The following SREBF2 variants were observed in gnomAD, a reference collection of about 807,000 sequenced individuals.
The protein encoded by SREBF2 is sterol regulatory element-binding protein 2.
A neutral mutation model predicts 113.1 loss-of-function variants in SREBF2; 55 were observed. That is an observed-to-expected ratio of 0.49 (90% CI 0.39 to 0.61). The LOEUF is 0.61. Among genes scored for constraint, SREBF2 ranks in the 20% least tolerant of loss-of-function variants. The pLI is 0.00. For missense variants in SREBF2, 1,349 were observed against 1,487.4 expected (o/e 0.91, Z 1.53); for synonymous variants, 593 against 605.7 (o/e 0.98, Z 0.31).
Position 41,897,041 on chromosome 22 carries a change from T to C in SREBF2, c.2496-11T>C. 6.3e-7 allele frequency: 1 copy of C among 1,599,726 alleles called. No homozygotes were observed. The highest frequency in any genetic ancestry group is 8.6e-7 in the Non-Finnish European group (1 of 1,168,734). On this transcript the variant is annotated splice_polypyrimidine_tract_variant and intron_variant, in intron 13 of 18. Coordinates refer to ENST00000361204, the MANE Select transcript of SREBF2 (RefSeq NM_004599.4). ...TTTTGATGTACATGGGACCCTTTCT[T>C]TTCTTCCTAGTGAATTCTCCAGTGC...
chr22:41,884,295 C>T (rs950124072), intron 10 of SREBF2, among the ~76,000 whole-genome samples: 1 of 152,164 alleles, frequency 6.6e-6, no homozygotes, highest in African/African-American at 2.4e-5. Context: ...GCCACCACGT[C>T]CAGCTAATTT....
chr22:41,892,990 T>A lies in SREBF2; in HGVS notation c.2209-127T>A. The A allele has an allele frequency of 3.5e-6, 4 of 1,151,802 alleles. No homozygotes were observed. The Admixed American group carries it at 7.0e-5, about 20-fold the overall frequency. 71.3% of individuals were successfully genotyped at this position (1,151,802 alleles called of 1,614,324 possible). On this transcript the variant is annotated intron_variant, in intron 11 of 18. Transcript: ENST00000361204. ...CTTTCAGGTACCTGTGGGAGTCCTA[T>A]CCCTGTGCTGATCTTTCCCAGTCTC...
chr22:41,885,437 A>G (rs995590475), intron 11 of SREBF2, among the ~76,000 whole-genome samples: 8 of 152,234 alleles, frequency 5.3e-5, no homozygotes, highest in Admixed American at 4.6e-4. Flanking sequence ...TGATCACAGC[A>G]CTGTGAATCC....
intron 4 of SREBF2, among the ~76,000 whole-genome samples, chr22:41,871,705 A>T (rs2077143163): frequency 6.6e-6 from 1 of 151,910 alleles, no homozygotes; most frequent in Admixed American, 6.6e-5. Flanking sequence ...CAGCCTGGCC[A>T]ACACGGTGAA....
intron 1 of SREBF2, among the ~76,000 whole-genome samples, chr22:41,857,542 A>G (rs930604836): frequency 6.6e-6 from 1 of 152,242 alleles, no homozygotes; most frequent in African/African-American, 2.4e-5. Context: ...AAAGGAATAT[A>G]TGACACCTTT....
At chr22:41,878,528 T>C in intron 9 of SREBF2, 2 of 486,788 alleles carry the variant, frequency 4.1e-6, no homozygotes, top group Admixed American at 2.7e-5. Flanking sequence ...AGGCTGGTAG[T>C]GTGTCTAGGC....
chr22:41,865,146 AACACAC>A (rs133284), intron 1 of SREBF2, among the ~76,000 whole-genome samples: 7 of 149,616 alleles, frequency 4.7e-5, no homozygotes, highest in East Asian at 4.0e-4. Flanking sequence ...TCCCCCAAAA[AACACAC>A]ACACACACAC....
chr22:41,885,524 A>C, intron 11 of SREBF2: 1 of 185,566 alleles, frequency 5.4e-6, no homozygotes, highest in Non-Finnish European at 1.1e-5. Context: ...GTAAAAGAAA[A>C]CCTGTGCCTG....
chr22:41,858,962 T>C (rs1019785981), intron 1 of SREBF2, among the ~76,000 whole-genome samples: 16 of 151,644 alleles, frequency 1.1e-4, no homozygotes, highest in African/African-American at 3.9e-4. Flanking sequence ...ACCAACATGG[T>C]GAAACCCCGT....
chr22:41,890,476 G>A (rs1281161650), intron 11 of SREBF2, among the ~76,000 whole-genome samples: 1 of 152,152 alleles, frequency 6.6e-6, no homozygotes, highest in East Asian at 1.9e-4. Flanking sequence ...GGGTTAGACC[G>A]ATGTTAGGGG....
In SREBF2 at chr22:41,905,912, TAGC is replaced by T. The variant is rs1569414554; in HGVS notation, c.*258_*260del. The T allele has an allele frequency of 3.0e-6, 2 of 667,530 alleles. No individual in the cohort carries two copies. The highest frequency in any genetic ancestry group is 5.5e-6 in the Non-Finnish European group (2 of 363,408). 41.4% of individuals were successfully genotyped at this position (667,530 alleles called of 1,614,324 possible). A position where few individuals can be genotyped will look rare whatever the true frequency, so the allele number is the denominator to read the frequency against. Reference sequence around the variant, plus strand: ...CAGAAACTGGGCAGCCCTGACTTGATAGCAGCAGGGGGAGCTCCCAAGCTGCCA... The same window carrying T: ...CAGAAACTGGGCAGCCCTGACTTGATAGCAGGGGGAGCTCCCAAGCTGCCA... On this transcript the variant is annotated 3_prime_UTR_variant, in exon 19 of 19. Coordinates refer to ENST00000361204, the MANE Select transcript of SREBF2 (RefSeq NM_004599.4).
chr22:41,872,078 G>A (rs189356547), intron 4 of SREBF2, among the ~76,000 whole-genome samples: 51 of 151,774 alleles, frequency 3.4e-4, no homozygotes, highest in African/African-American at 1.0e-3. Context: ...GTGAAACCCC[G>A]TCTCTGCTAA....
rs558816275 is a variant in SREBF2 at position 41,896,719 on chromosome 22, G to A, written c.2496-333G>A. Reference sequence around the variant, plus strand: ...TAGGGTGCACCTGAGGAGAGGGGGAGGGGGCAGTTCTGCCTGGGAGATAAG... The same window carrying A: ...TAGGGTGCACCTGAGGAGAGGGGGAAGGGGCAGTTCTGCCTGGGAGATAAG... On this transcript the variant is annotated intron_variant, in intron 13 of 18. Coordinates refer to ENST00000361204, the MANE Select transcript of SREBF2 (RefSeq NM_004599.4). 8.5e-5 allele frequency among the ~76,000 whole-genome samples: 13 copies of A among 152,318 alleles called. No homozygotes were observed. In the South Asian group the frequency reaches 2.7e-3, roughly 32 times the overall value.
At chr22:41,847,619 G>A (rs540623075) in intron 1 of SREBF2, among the ~76,000 whole-genome samples, 2 of 152,192 alleles carry the variant, frequency 1.3e-5, no homozygotes, top group African/African-American at 4.8e-5. Flanking sequence ...GTAGCTAAGA[G>A]CTTGACTTTA....
chr22:41,886,762 G>A (rs1243064689), intron 11 of SREBF2, among the ~76,000 whole-genome samples: 2 of 152,196 alleles, frequency 1.3e-5, no homozygotes. Flanking sequence ...GGCCGGGCAC[G>A]GTGGCTTACC....
At chr22:41,899,321 T>A (rs999234167) in intron 15 of SREBF2, 1 of 1,026,368 alleles carries the variant, frequency 9.7e-7, no homozygotes, top group African/African-American at 1.7e-5. Context: ...GGAGAGCTTT[T>A]GACATTCCTC....
At chr22:41,896,963 C>T in intron 13 of SREBF2, 89 bp from the exon 14 acceptor site, 1 of 908,332 alleles carries the variant, frequency 1.1e-6, no homozygotes, top group Non-Finnish European at 1.8e-6. Context: ...GCCATTGGGT[C>T]TTAGAGCTGG....
intron 2 of SREBF2, among the ~76,000 whole-genome samples, chr22:41,868,120 C>G (rs1462892661): frequency 6.6e-6 from 1 of 152,182 alleles, no homozygotes; most frequent in African/African-American, 2.4e-5. Context: ...TCATATTTCC[C>G]TCTGACTCTG....
intron 17 of SREBF2, 117 bp downstream of exon 17, chr22:41,903,272 T>C: frequency 3.9e-6 from 5 of 1,293,282 alleles, no homozygotes; most frequent in Non-Finnish European, 5.4e-6. Context: ...GTCAGCCTGG[T>C]GACCTGTCGA....
Sources: allele counts gnomAD v4.1 joint callset (sites outside exome capture counted in the v4.1 genomes callset), GRCh38; gene constraint gnomAD v4.1.1; transcripts MANE v1.5; gene names NCBI Gene and HGNC (gene_info 2026-07-23, HGNC 2026-07-21).